Variants in ATAD2B observed in about 807,000 individuals in gnomAD.
ATAD2B encodes ATPase family AAA domain-containing protein 2B.
A neutral mutation model predicts 167.6 loss-of-function variants in ATAD2B; 40 were observed. The ratio of observed to expected loss-of-function variants is 0.24; its 90% CI spans 0.19 to 0.31. ATAD2B has a LOEUF of 0.31. ATAD2B is among the 10% of genes least tolerant of loss of function. The pLI is 1.00. For missense variants in ATAD2B, 1,242 were observed against 1,757.2 expected (o/e 0.71, Z 5.24); for synonymous variants, 579 against 596.5 (o/e 0.97, Z 0.43).
At chr2:23,831,280 A>G (rs1207370141) in intron 14 of ATAD2B, among the ~76,000 whole-genome samples, 1 of 152,222 alleles carries the variant, frequency 6.6e-6, no homozygotes, top group Non-Finnish European at 1.5e-5. Context: ...GATAAAGGAA[A>G]ATAAAAGAAA....
intron 13 of ATAD2B, among the ~76,000 whole-genome samples, chr2:23,843,555 C>CG (rs2149827222): frequency 1.3e-5 from 2 of 152,296 alleles, no homozygotes; most frequent in South Asian, 4.1e-4. Context: ...ACTCACTAAG[C>CG]GGAAGAGTCG....
intron 17 of ATAD2B, among the ~76,000 whole-genome samples, chr2:23,810,882 G>T (rs1269301990): frequency 6.6e-6 from 1 of 151,878 alleles, no homozygotes; most frequent in Non-Finnish European, 1.5e-5. Flanking sequence ...GTGGTGGCGG[G>T]CATCTGTAAT....
At chr2:23,736,316 T>A in the ATAD2B span, among the ~76,000 whole-genome samples, 40 of 152,304 alleles carry the variant, frequency 2.6e-4, no homozygotes, top group African/African-American at 8.9e-4. Context: ...ACTGGAGATT[T>A]TTGCCTTCTG....
chr2:23,863,449 T>C lies in ATAD2B; in HGVS notation c.1411A>G (p.Lys471Glu). The change falls in exon 12 of 28, where the codon AAA (lysine) becomes GAA (glutamate). Residue 471 changes from lysine (K) to glutamate (E), a missense_variant. By Grantham distance (56) the Lys-to-Glu change is moderately conservative (BLOSUM62 1). Transcript: ENST00000238789. ...GDKKVAFFMR[K>E]GADCLSKWVG... ...CACTTGCTCAAACAATCTGCTCCTT[T>C]TCGCATAAAAAAAGCCACTTTTTTG... is the stretch of plus-strand genomic sequence containing the variant. The C allele has an allele frequency of 6.4e-7, 1 of 1,552,872 alleles. No individual in the cohort carries two copies. Among genetic ancestry groups the C allele is most frequent in the Non-Finnish European group, 8.7e-7 (1 of 1,147,408 alleles).
chr2:23,849,872 CCTTGT>C (rs1237548672), intron 13 of ATAD2B, among the ~76,000 whole-genome samples: 1 of 152,014 alleles, frequency 6.6e-6, no homozygotes, highest in Non-Finnish European at 1.5e-5. Context: ...ACTATTAATG[CCTTGT>C]CTTATTTTAT....
the ATAD2B span, among the ~76,000 whole-genome samples, chr2:23,737,544 T>C: frequency 6.6e-6 from 1 of 152,180 alleles, no homozygotes; most frequent in Non-Finnish European, 1.5e-5. Context: ...AAAACCCATC[T>C]GTACGTCACC....
At chr2:23,785,949 TCC>T in intron 21 of ATAD2B, 76 bp downstream of exon 21, 4 of 1,327,800 alleles carry the variant, frequency 3.0e-6, no homozygotes, top group South Asian at 1.6e-5. Context: ...TGCTTTTTTT[TCC>T]TTCCAAAAAA....
the ATAD2B span, among the ~76,000 whole-genome samples, chr2:23,739,284 G>C: frequency 1.3e-5 from 2 of 152,114 alleles, no homozygotes; most frequent in South Asian, 2.1e-4. Flanking sequence ...CTCCAAAATT[G>C]ACCACATAGT....
At chr2:23,691,252 C>T in the ATAD2B span, 1 of 251,324 alleles carries the variant, frequency 4.0e-6, no homozygotes, top group Admixed American at 5.1e-5. Context: ...TTGGGAGCCT[C>T]CCAAGCCTGG....
chr2:23,780,988 A>G (rs868375153), intron 22 of ATAD2B, among the ~76,000 whole-genome samples: 1 of 151,420 alleles, frequency 6.6e-6, no homozygotes, highest in Admixed American at 6.6e-5. Flanking sequence ...AATAAGAAGC[A>G]TTTTTTTTTA....
chr2:23,696,932 G>A, the ATAD2B span: 1 of 170,520 alleles, frequency 5.9e-6, no homozygotes, highest in Non-Finnish European at 1.3e-5. The surrounding 1 kb of genome is among the most constrained non-coding windows in gnomAD (Gnocchi z 5.5). Flanking sequence ...TTAAAATGCA[G>A]GTCATGCCAG....
At chr2:23,923,307 T>A (rs1454014423) in intron 1 of ATAD2B, among the ~76,000 whole-genome samples, 2 of 152,156 alleles carry the variant, frequency 1.3e-5, no homozygotes, top group Non-Finnish European at 2.9e-5. Context: ...GAATCTAAAC[T>A]AGCAAATTCA....
At chr2:23,798,414 C>G in intron 18 of ATAD2B, 91 bp from the exon 19 acceptor site, 1 of 1,004,980 alleles carries the variant, frequency 1.0e-6, no homozygotes, top group Non-Finnish European at 1.4e-6. Context: ...ATATGTCAGG[C>G]CTATTATGGT....
At position 23,847,586 on chromosome 2, in the gene ATAD2B, G is replaced by A. The variant is rs576164082; in HGVS notation, c.1568+9829C>T. On this transcript the variant is annotated intron_variant, in intron 13 of 27. Transcript: ENST00000238789. ...GGAGGCTAAGGTGGGAGGATCAGTCGAGGCTGCAGGGAGCCATGATCACAC... is the reference window on the plus strand; with the variant it reads ...GGAGGCTAAGGTGGGAGGATCAGTCAAGGCTGCAGGGAGCCATGATCACAC... Among the ~76,000 whole-genome samples, 121 of 152,068 alleles carry A rather than the reference G, an allele frequency of 8.0e-4. 1 individual carries two copies. Among genetic ancestry groups the A allele is most frequent in the Admixed American group, 6.9e-3 (106 of 15,288 alleles).
chr2:23,689,693 G>C, the ATAD2B span: 21 of 152,498 alleles, frequency 1.4e-4, no homozygotes, highest in African/African-American at 5.1e-4. Flanking sequence ...AGGGCAGAAA[G>C]GGCATGCAGA....
intron 1 of ATAD2B, among the ~76,000 whole-genome samples, chr2:23,898,554 AC>A (rs976020519): frequency 9.2e-5 from 14 of 152,264 alleles, no homozygotes; most frequent in African/African-American, 3.4e-4. Flanking sequence ...CTATAACTCA[AC>A]CACCTTGGGC....
downstream of ATAD2B, among the ~76,000 whole-genome samples, chr2:23,744,844 G>A (rs548328843): frequency 6.6e-6 from 1 of 152,302 alleles, no homozygotes; most frequent in Non-Finnish European, 1.5e-5. Flanking sequence ...TGGGTAGAAA[G>A]TAGACTTAAA....
chr2:23,843,498 T>C (rs1263732297), intron 13 of ATAD2B, among the ~76,000 whole-genome samples: 1 of 152,222 alleles, frequency 6.6e-6, no homozygotes, highest in Non-Finnish European at 1.5e-5. Context: ...GGCTCTCCAA[T>C]TACGGGCTGT....
intron 12 of ATAD2B, among the ~76,000 whole-genome samples, chr2:23,858,651 T>G (rs1693839019): frequency 6.6e-6 from 1 of 152,048 alleles, no homozygotes; most frequent in South Asian, 2.1e-4. Context: ...GCCCAGCTAA[T>G]TTTTAAGTAT....
Sources: allele counts gnomAD v4.1 joint callset (sites outside exome capture counted in the v4.1 genomes callset), GRCh38; gene constraint gnomAD v4.1.1; non-coding constraint Gnocchi (gnomAD v3.1); transcripts MANE v1.5; gene names NCBI Gene and HGNC (gene_info 2026-07-23, HGNC 2026-07-21).